KIR2DL3: variants seen among roughly 807,000 people sequenced by gnomAD.
KIR2DL3 encodes the protein killer cell immunoglobulin-like receptor 2DL3.
Under a neutral mutation model 33.8 loss-of-function variants are expected in KIR2DL3, and 39 were observed. That is an observed-to-expected ratio of 1.15 (90% confidence interval 0.89 to 1.51). The LOEUF is 1.51. Among genes scored for constraint, KIR2DL3 ranks in the 40% most tolerant of loss-of-function variants. The probability of loss-of-function intolerance (pLI) is 0.00; values close to 1 mark genes in which losing one functional copy is unlikely to be tolerated. For missense variants in KIR2DL3, 462 were observed against 426.2 expected (o/e 1.08, Z -0.74); for synonymous variants, 174 against 160.2 (o/e 1.09, Z -0.65).
rs750416178 is a variant in KIR2DL3, at chr19:54,751,670, T to A, written c.737T>A (p.Val246Asp). 4 of 1,501,824 alleles carry A rather than the reference T, an allele frequency of 2.7e-6. No individual in the cohort carries two copies. In the Admixed American group the frequency reaches 7.2e-5, roughly 27 times the overall value. The allele number at this position is 1,501,824 out of a possible 1,614,324, so 93.0% of individuals were successfully genotyped here. Residue 246 changes from valine (V) to aspartate (D), a missense_variant, in exon 6 of 8, where the codon GTT (valine) becomes GAT (aspartate). Transcript: ENST00000342376. ...SETGNPRHLH[V>D]LIGTSVVIIL... ...CCAGGTAACCCCAGACACCTGCATG[T>A]TCTGATTGGGACCTCAGTGGTCATC...
intron 4 of KIR2DL3, among the ~76,000 whole-genome samples, chr19:54,744,954 A>ATTTTTTTTTTT (rs71195797): frequency 9.6e-5 from 3 of 31,284 alleles, no homozygotes; most frequent in Non-Finnish European, 1.8e-4. Context: ...ATATATATAT[A>ATTTTTTTTTTT]TTTTTTTTTT....
chr19:54,748,127 T>A (rs4806536), intron 5 of KIR2DL3, among the ~76,000 whole-genome samples: 1,708 of 150,350 alleles, frequency 0.011, 18 homozygotes, highest in Non-Finnish European at 0.019. Flanking sequence ...CCCAGTTCCT[T>A]GGCTCCTGTT....
intron 5 of KIR2DL3, among the ~76,000 whole-genome samples, 154 bp downstream of exon 5, chr19:54,747,539 G>T (rs978819205): frequency 1.3e-4 from 20 of 152,110 alleles, no homozygotes; most frequent in Non-Finnish European, 2.6e-4. Context: ...AAAGGGATCT[G>T]GGCCCAACCT....
intron 2 of KIR2DL3, among the ~76,000 whole-genome samples, chr19:54,739,775 A>C (rs879095909): frequency 6.6e-6 from 1 of 152,120 alleles, no homozygotes; most frequent in Non-Finnish European, 1.5e-5. Flanking sequence ...GTGGTTGGGA[A>C]GTGGTAGGAA....
chr19:54,747,352 T>C lies in KIR2DL3; in HGVS notation c.682T>C (p.Trp228Arg), dbSNP rs753585850. 3 of 1,611,832 alleles carry C rather than the reference T, an allele frequency of 1.9e-6. No individual in the cohort carries two copies. Among genetic ancestry groups the C allele is most frequent in the East Asian group, 4.5e-5 (2 of 44,884 alleles). Residue 228 changes from tryptophan (W) to arginine (R), a missense_variant, in exon 5 of 8, where the codon TGG (tryptophan) becomes CGG (arginine). Trp to Arg is a moderately radical substitution (Grantham distance 101). Transcript: ENST00000342376. ...VSVTGNPSNSWPSPTEPSSET... is the reference protein window; with the variant it reads ...VSVTGNPSNSRPSPTEPSSET... Reference sequence around the variant, plus strand: ...TGTTCTAGGAAACCCTTCAAATAGTTGGCCTTCACCCACTGAACCAAGCTC... The same window carrying C: ...TGTTCTAGGAAACCCTTCAAATAGTCGGCCTTCACCCACTGAACCAAGCTC...
At chr19:54,749,246 A>G (rs1274013752) in intron 5 of KIR2DL3, among the ~76,000 whole-genome samples, 2 of 146,064 alleles carry the variant, frequency 1.4e-5, no homozygotes, top group Non-Finnish European at 3.0e-5. Context: ...ACTCACAGCC[A>G]TTGGATTCAC....
chr19:54,752,332 G>A (rs1374488190), intron 7 of KIR2DL3, 35 bp from the exon 8 acceptor site: 1 of 1,481,304 alleles, frequency 6.8e-7, no homozygotes, highest in South Asian at 1.2e-5. Flanking sequence ...GAAAATGTGA[G>A]CACCCTCCCT....
intron 4 of KIR2DL3, 95 bp downstream of exon 4, chr19:54,744,183 A>G (rs1454592719): frequency 8.3e-6 from 13 of 1,559,642 alleles, no homozygotes; most frequent in Non-Finnish European, 6.1e-6. Context: ...GGACAGATGC[A>G]GAGAGAAGAC....
rs2071290186 is a variant in KIR2DL3 at position 54,742,207 on chromosome 19, T to G, written c.298T>G (p.Cys100Gly). Residue 100 changes from cysteine (C) to glycine (G), a missense_variant, in exon 3 of 8, where the codon TGC becomes GGC. By Grantham distance (159) the Cys-to-Gly change is radical (BLOSUM62 -3). Coordinates refer to ENST00000342376, the MANE Select transcript of KIR2DL3 (RefSeq NM_015868.3). ...GCAAGACCTTGCAGGGACCTACAGA[T>G]GCTACGGTTCTGTTACTCACTCCCC... The part of the protein sequence containing the change: ...MMQDLAGTYR[C>G]YGSVTHSPYQ... 6.2e-7 allele frequency: 1 copy of G among 1,614,040 alleles called. No individual in the cohort carries two copies. The highest frequency in any genetic ancestry group is 8.5e-7 in the Non-Finnish European group (1 of 1,180,042).
At chr19:54,747,709 G>A (rs886244585) in intron 5 of KIR2DL3, among the ~76,000 whole-genome samples, 25 of 152,192 alleles carry the variant, frequency 1.6e-4, no homozygotes, top group African/African-American at 6.0e-4. Flanking sequence ...CTTGAGAGAG[G>A]GAAGGGAAGG....
At chr19:54,747,595 C>A (rs34816809) in intron 5 of KIR2DL3, among the ~76,000 whole-genome samples, 6 of 148,774 alleles carry the variant, frequency 4.0e-5, no homozygotes, top group African/African-American at 1.5e-4. Flanking sequence ...GGAGCTGAGA[C>A]CTCCTACAAG....
In KIR2DL3 at chr19:54,746,581, G is replaced by A. The variant is rs1288380510; in HGVS notation, c.665-754G>A. Among the ~76,000 whole-genome samples, 8 of 147,540 alleles carry A rather than the reference G, an allele frequency of 5.4e-5. 2 individuals carry two copies. In the East Asian group the frequency reaches 1.6e-3, roughly 29 times the overall value. On this transcript the variant is annotated intron_variant, in intron 4 of 7. Coordinates refer to ENST00000342376, the MANE Select transcript of KIR2DL3 (RefSeq NM_015868.3). ...ATTTGAGTTTTGTGTATAGTGACAG[G>A]TAGAGGTGCAGTTTCATTCCTCTGC...
chr19:54,750,763 G>A (rs1159430391), intron 5 of KIR2DL3, among the ~76,000 whole-genome samples: 1 of 136,506 alleles, frequency 7.3e-6, no homozygotes, highest in African/African-American at 2.8e-5. Context: ...TAAGCAGCGA[G>A]TGACAACAGA....
At chr19:54,747,264 C>T in intron 4 of KIR2DL3, 71 bp from the exon 5 acceptor site, 1 of 1,580,456 alleles carries the variant, frequency 6.3e-7, no homozygotes, top group East Asian at 2.2e-5. Context: ...CATGAACCAA[C>T]CTCAAAGATT....
chr19:54,743,725 T>A, intron 3 of KIR2DL3, 70 bp from the exon 4 acceptor site: 1 of 1,320,836 alleles, frequency 7.6e-7, no homozygotes, highest in Non-Finnish European at 1.0e-6. Context: ...GGGGAGTGAG[T>A]TCTCAGCTCA....
At chr19:54,740,974 G>A (rs13346542) in intron 2 of KIR2DL3, among the ~76,000 whole-genome samples, 2,306 of 150,804 alleles carry the variant, frequency 0.015, no homozygotes, top group African/African-American at 0.054. Flanking sequence ...GGCTGGAAAA[G>A]TCAAGGAACT....
At chr19:54,738,916 ATATGGG>A (rs2070366229) in intron 1 of KIR2DL3, among the ~76,000 whole-genome samples, 3 of 68,702 alleles carry the variant, frequency 4.4e-5, no homozygotes, top group Non-Finnish European at 8.0e-5. Flanking sequence ...TGGAGTGGAG[ATATGGG>A]CCTGGAGGTG....
At chr19:54,742,370 C>T in intron 3 of KIR2DL3, 91 bp downstream of exon 3, 1 of 1,531,516 alleles carries the variant, frequency 6.5e-7, no homozygotes. Flanking sequence ...GGAAGATGAG[C>T]TTGGTATTCT....
At chr19:54,751,958 A>G (rs1192015438) in intron 6 of KIR2DL3, among the ~76,000 whole-genome samples, 1 of 133,376 alleles carries the variant, frequency 7.5e-6, no homozygotes, top group Non-Finnish European at 1.6e-5. Flanking sequence ...CTGTATCCTC[A>G]TGTCCCCTGC....
Sources: gnomAD v4.1 joint callset for allele counts (sites outside exome capture counted in the v4.1 genomes callset) on GRCh38, gnomAD v4.1.1 for gene constraint, MANE v1.5 for transcripts, NCBI Gene and HGNC (gene_info 2026-07-23, HGNC 2026-07-21) for gene names.